KLF12: variants seen among roughly 807,000 people sequenced by gnomAD.
The protein encoded by KLF12 is Krueppel-like factor 12.
Under a neutral mutation model 37.8 loss-of-function variants are expected in KLF12, and 9 were observed. That is an observed-to-expected ratio of 0.24 (90% confidence interval 0.14 to 0.42). The LOEUF is 0.42. Among genes scored for constraint, KLF12 ranks in the 10% least tolerant of loss-of-function variants. The pLI is 1.00. For synonymous variants in KLF12, 208 were observed against 202.1 expected, an observed-to-expected ratio of 1.03 and a Z score of -0.25; for missense variants, 411 against 516.0, an observed-to-expected ratio of 0.80 and a Z score of 1.97.
At chr13:73,856,745 T>C (rs927875856) in intron 3 of KLF12, among the ~76,000 whole-genome samples, 1 of 152,064 alleles carries the variant, frequency 6.6e-6, no homozygotes, top group South Asian at 2.1e-4. Context: ...TCCCAACAAT[T>C]TGGGAGGCGG....
intron 1 of KLF12, among the ~76,000 whole-genome samples, chr13:73,998,133 C>T (rs548029063): frequency 4.6e-4 from 70 of 152,116 alleles, no homozygotes; most frequent in Non-Finnish European, 7.6e-4. Context: ...GTGACCCTGG[C>T]CATAGTGAAA....
intron 5 of KLF12, among the ~76,000 whole-genome samples, chr13:73,797,479 T>C (rs2138315800): frequency 6.6e-6 from 1 of 152,244 alleles, no homozygotes; most frequent in African/African-American, 2.4e-5. Context: ...AATCTTAACA[T>C]GTAGGGGAGG....
At chr13:74,037,617 T>C (rs1893289217) in intron 1 of KLF12, among the ~76,000 whole-genome samples, 2 of 152,204 alleles carry the variant, frequency 1.3e-5, no homozygotes, top group South Asian at 2.1e-4. Context: ...TACTTAAGTT[T>C]TGCAACTTGA....
chr13:73,970,061 G>C (rs1189286851), intron 2 of KLF12, among the ~76,000 whole-genome samples: 1 of 152,010 alleles, frequency 6.6e-6, no homozygotes, highest in Non-Finnish European at 1.5e-5. Flanking sequence ...AGAGTTATAG[G>C]TCCTTAATTT....
the KLF12 span, among the ~76,000 whole-genome samples, chr13:74,218,635 C>T: frequency 6.6e-5 from 10 of 152,232 alleles, no homozygotes; most frequent in South Asian, 1.7e-3. Flanking sequence ...AATGCACAAA[C>T]GAGTCATTTT....
intron 5 of KLF12, among the ~76,000 whole-genome samples, chr13:73,766,008 C>T (rs1879886040): frequency 6.6e-6 from 1 of 152,194 alleles, no homozygotes; most frequent in Non-Finnish European, 1.5e-5. Flanking sequence ...CAGTTCCAGC[C>T]CCGCCTAAGG....
At chr13:74,242,306 G>A in the KLF12 span, among the ~76,000 whole-genome samples, 1 of 152,218 alleles carries the variant, frequency 6.6e-6, no homozygotes, top group African/African-American at 2.4e-5. Flanking sequence ...TAAAGAAAAA[G>A]AGGTTTAATG....
chr13:73,938,097 C>T (rs1386933105), intron 3 of KLF12, among the ~76,000 whole-genome samples: 1 of 152,194 alleles, frequency 6.6e-6, no homozygotes, highest in Non-Finnish European at 1.5e-5. Flanking sequence ...TAGTCAAACG[C>T]TGGCCCCTGT....
chr13:73,846,998 C>T (rs944993457), intron 3 of KLF12, among the ~76,000 whole-genome samples: 2 of 152,070 alleles, frequency 1.3e-5, no homozygotes, highest in Non-Finnish European at 2.9e-5. Context: ...TATGAATTTT[C>T]ATTTAATCTG....
chr13:73,943,050 A>G (rs1036089578), intron 3 of KLF12, among the ~76,000 whole-genome samples: 4 of 152,212 alleles, frequency 2.6e-5, no homozygotes, highest in African/African-American at 9.7e-5. Flanking sequence ...ACTCATCCAC[A>G]TTGATTTTTA....
chr13:74,071,159 T>C (rs538933189), intron 1 of KLF12, among the ~76,000 whole-genome samples: 1 of 152,290 alleles, frequency 6.6e-6, no homozygotes, highest in Admixed American at 6.5e-5. Flanking sequence ...AAAAATAATA[T>C]GGAGTTTCAG....
chr13:74,008,823 T>C (rs996430803), intron 1 of KLF12, among the ~76,000 whole-genome samples: 3 of 152,246 alleles, frequency 2.0e-5, no homozygotes, highest in Non-Finnish European at 2.9e-5. Context: ...TCTGCACTGA[T>C]GAATTCATAA....
intron 4 of KLF12, among the ~76,000 whole-genome samples, chr13:73,833,095 C>T (rs988647310): frequency 6.6e-6 from 1 of 152,110 alleles, no homozygotes; most frequent in African/African-American, 2.4e-5. Context: ...ATTTGTTTCG[C>T]CCTGAGTGGG....
the KLF12 span, among the ~76,000 whole-genome samples, chr13:74,252,397 G>C: frequency 6.6e-6 from 1 of 152,158 alleles, no homozygotes; most frequent in African/African-American, 2.4e-5. Context: ...CTTTCCTGCT[G>C]TTCTCAGATG....
At position 74,111,715 on chromosome 13, in the gene KLF12, A is replaced by C. The variant is rs921207785; in HGVS notation, c.-32+22024T>G. On this transcript the variant is annotated intron_variant, in intron 1 of 7. Transcript: ENST00000377669. Reference sequence around the variant, plus strand: ...TCTCACATTGAAAAACATTTGTGCCAATGGGGAAAAAAGGTCTTTTAAAAG... The same window carrying C: ...TCTCACATTGAAAAACATTTGTGCCCATGGGGAAAAAAGGTCTTTTAAAAG... Among the ~76,000 whole-genome samples, 4 of 96,004 alleles carry C rather than the reference A, an allele frequency of 4.2e-5. No homozygotes were observed. In the Admixed American group the frequency reaches 4.6e-4, roughly 11 times the overall value. The allele number at this position is 96,004 out of a possible 152,430, so 63.0% of individuals were successfully genotyped here. A position where few individuals can be genotyped will look rare whatever the true frequency, so the allele number is the denominator to read the frequency against.
chr13:73,765,058 TA>T (rs1201529120), intron 5 of KLF12, 58 bp from the exon 6 acceptor site: 5 of 1,004,856 alleles, frequency 5.0e-6, no homozygotes, highest in South Asian at 1.4e-5. Flanking sequence ...ATTGCAAATT[TA>T]AAAAAATGGC....
the KLF12 span, among the ~76,000 whole-genome samples, chr13:74,165,682 G>A: frequency 0.85 from 129,609 of 152,196 alleles, 55,716 homozygotes; most frequent in East Asian, 1. Context: ...CAACATCACA[G>A]ACAGGAGGGG....
intron 3 of KLF12, among the ~76,000 whole-genome samples, chr13:73,908,093 A>G (rs914460078): frequency 6.6e-6 from 1 of 152,092 alleles, no homozygotes; most frequent in Non-Finnish European, 1.5e-5. Context: ...AATAGGCCTG[A>G]GCATCTAATT....
chr13:74,007,283 A>ATT (rs796578580), intron 1 of KLF12, among the ~76,000 whole-genome samples: 23 of 145,926 alleles, frequency 1.6e-4, no homozygotes, highest in African/African-American at 5.5e-4. Context: ...GGATATTTTT[A>ATT]TTTTTTTTTT....
Sources: allele counts gnomAD v4.1 joint callset (sites outside exome capture counted in the v4.1 genomes callset), GRCh38; gene constraint gnomAD v4.1.1; transcripts MANE v1.5; gene names NCBI Gene and HGNC (gene_info 2026-07-23, HGNC 2026-07-21).